The following CCDC91 variants were observed in gnomAD, a reference collection of about 807,000 sequenced individuals.
CCDC91 encodes the protein coiled-coil domain containing 91, also known as coiled-coil domain-containing protein 91.
CCDC91 carries 48 observed loss-of-function variants against 63.2 expected under a neutral mutation model. That is an observed-to-expected ratio of 0.76 (90% CI 0.60 to 0.97). The LOEUF (loss-of-function observed/expected upper bound fraction) is 0.97. Among genes scored for constraint, CCDC91 ranks in the 50% least tolerant of loss-of-function variants. CCDC91 has a pLI of 0.00. For missense variants in CCDC91, 500 were observed against 494.6 expected, an observed-to-expected ratio of 1.01 and a Z score of -0.10; for synonymous variants, 167 against 165.8, an observed-to-expected ratio of 1.01 and a Z score of -0.06.
rs910706564 is a variant in CCDC91, at chr12:28,526,087, T to G, written c.1216-22976T>G. Reference sequence around the variant, plus strand: ...TTAAGTGGAGCATTTAGGCCATTTATGTTCAATGTTAGTATTGAGATGTGA... The same window carrying G: ...TTAAGTGGAGCATTTAGGCCATTTAGGTTCAATGTTAGTATTGAGATGTGA... On this transcript the variant is annotated intron_variant, in intron 12 of 12. Transcript: ENST00000536442. Among the ~76,000 whole-genome samples the G allele has an allele frequency of 5.3e-5, 8 of 152,228 alleles. No homozygotes were observed. The South Asian group carries it at 1.0e-3, about 20-fold the overall frequency.
chr12:28,331,086 T>C (rs957728982), intron 6 of CCDC91, among the ~76,000 whole-genome samples: 9 of 152,230 alleles, frequency 5.9e-5, no homozygotes, highest in Non-Finnish European at 1.0e-4. Context: ...CAAAGGCATC[T>C]GTTAAAACTG....
rs1315553512 is a variant in CCDC91, at chr12:28,307,268, T to C, written c.471+323T>C. Among the ~76,000 whole-genome samples, 2 of 152,022 alleles carry C rather than the reference T, an allele frequency of 1.3e-5. 1 individual carries two copies. The highest frequency in any genetic ancestry group is 4.1e-4 in the South Asian group (2 of 4,824). On this transcript the variant is annotated intron_variant, in intron 5 of 12. Coordinates refer to ENST00000536442, the MANE Select transcript of CCDC91 (RefSeq NM_018318.5). ...AAATTTTGCGACATCAACTTTTCCC[T>C]ATGGGAAGTTAGGCATCACAGGATA...
intron 3 of CCDC91, among the ~76,000 whole-genome samples, chr12:28,300,647 C>G (rs1937965820): frequency 6.6e-6 from 1 of 151,446 alleles, no homozygotes; most frequent in Admixed American, 6.6e-5. Flanking sequence ...ATTTATCTAA[C>G]TTCATTATAA....
chr12:28,524,085 C>T (rs1468755583), intron 12 of CCDC91, among the ~76,000 whole-genome samples: 1 of 152,058 alleles, frequency 6.6e-6, no homozygotes, highest in African/African-American at 2.4e-5. Flanking sequence ...GGAAGCCCAT[C>T]AGACTAACAG....
intron 12 of CCDC91, among the ~76,000 whole-genome samples, chr12:28,513,552 A>T (rs1407049069): frequency 1.3e-5 from 2 of 151,884 alleles, no homozygotes; most frequent in East Asian, 3.9e-4. Flanking sequence ...AATCAAAAAA[A>T]TCCAAAATTC....
rs546364066 is a variant in CCDC91 at position 28,306,226 on chromosome 12, A to T, written c.267+420A>T. On this transcript the variant is annotated intron_variant, in intron 4 of 12. Coordinates refer to ENST00000536442, the MANE Select transcript of CCDC91 (RefSeq NM_018318.5). Reference sequence around the variant, plus strand: ...AATATAGCAGTTATAAGGTTTATTCATTCAAATATTTTTTAAAGCAAGAAT... The same window carrying T: ...AATATAGCAGTTATAAGGTTTATTCTTTCAAATATTTTTTAAAGCAAGAAT... Among the ~76,000 whole-genome samples the T allele has an allele frequency of 2.6e-5, 4 of 152,064 alleles. No homozygotes were observed. In the South Asian group the frequency reaches 6.2e-4, roughly 24 times the overall value.
rs568323232 is a variant in CCDC91 at position 28,286,379 on chromosome 12, C to T, written c.110-19270C>T. On this transcript the variant is annotated intron_variant, in intron 3 of 12. Coordinates refer to ENST00000536442, the MANE Select transcript of CCDC91 (RefSeq NM_018318.5). ...TCTCCCTCCTCCCACCCTCCACCTT[C>T]TGGTAGGCCCCAGTGTCTGTTGTTT... Among the ~76,000 whole-genome samples the T allele has an allele frequency of 9.9e-4, 151 of 152,256 alleles. 1 individual carries two copies. The highest frequency in any genetic ancestry group is 1.9e-3 in the Non-Finnish European group (128 of 68,008).
intron 11 of CCDC91, among the ~76,000 whole-genome samples, chr12:28,472,361 A>C (rs938209513): frequency 1.3e-5 from 2 of 152,348 alleles, no homozygotes; most frequent in East Asian, 3.9e-4. Flanking sequence ...CTTTTTCTGC[A>C]AAGGTCAAGA....
At chr12:28,266,304 G>T (rs1947182071) in intron 3 of CCDC91, among the ~76,000 whole-genome samples, 1 of 152,088 alleles carries the variant, frequency 6.6e-6, no homozygotes, top group African/African-American at 2.4e-5. Context: ...TTCTGTCTTT[G>T]CCTTCAGCTA....
intron 6 of CCDC91, among the ~76,000 whole-genome samples, chr12:28,355,744 G>A (rs1003391565): frequency 6.6e-6 from 1 of 152,146 alleles, no homozygotes; most frequent in Admixed American, 6.5e-5. Context: ...AGAATTCCAG[G>A]AGAAGTTTGC....
At chr12:28,199,425 T>A (rs534298290) in intron 1 of CCDC91, among the ~76,000 whole-genome samples, 2 of 152,298 alleles carry the variant, frequency 1.3e-5, no homozygotes, top group East Asian at 1.9e-4. Flanking sequence ...AACACTGATT[T>A]ATAATTCTTG....
intron 1 of CCDC91, chr12:28,256,724 C>T (rs1946483808): frequency 6.5e-6 from 1 of 153,456 alleles, no homozygotes; most frequent in Non-Finnish European, 1.4e-5. Context: ...AAGTTGTGGC[C>T]ACAGCTCAAA....
At chr12:28,296,311 G>T (rs1312326062) in intron 3 of CCDC91, among the ~76,000 whole-genome samples, 1 of 151,642 alleles carries the variant, frequency 6.6e-6, no homozygotes, top group South Asian at 2.1e-4. Flanking sequence ...GCAGAATTCC[G>T]AAATTTGATT....
intron 11 of CCDC91, among the ~76,000 whole-genome samples, chr12:28,454,516 G>C (rs1421673005): frequency 6.6e-6 from 1 of 152,102 alleles, no homozygotes; most frequent in African/African-American, 2.4e-5. Flanking sequence ...CCCTCCCTAG[G>C]GAGAGGCTGC....
At chr12:28,299,187 T>G (rs1333997069) in intron 3 of CCDC91, among the ~76,000 whole-genome samples, 1 of 151,634 alleles carries the variant, frequency 6.6e-6, no homozygotes, top group Non-Finnish European at 1.5e-5. Context: ...CTTTGCTGTT[T>G]CCTCTTTACT....
chr12:28,460,268 A>G (rs1020623488), intron 11 of CCDC91, among the ~76,000 whole-genome samples: 1 of 152,148 alleles, frequency 6.6e-6, no homozygotes, highest in Non-Finnish European at 1.5e-5. Flanking sequence ...TTGTTTGCGT[A>G]CTAGATGGAG....
chr12:28,298,377 T>TTCC (rs71039892), intron 3 of CCDC91, among the ~76,000 whole-genome samples: 5 of 144,958 alleles, frequency 3.4e-5, no homozygotes, highest in Non-Finnish European at 7.6e-5. Flanking sequence ...TTTTTTTTTT[T>TTCC]CCCCCCACAA....
intron 1 of CCDC91, among the ~76,000 whole-genome samples, chr12:28,246,667 A>T (rs780369876): frequency 2.6e-5 from 4 of 152,134 alleles, no homozygotes; most frequent in Non-Finnish European, 5.9e-5. Context: ...TAATGAAAGG[A>T]TTGGAGAGCA....
At chr12:28,500,331 G>A (rs1937650198) in intron 12 of CCDC91, among the ~76,000 whole-genome samples, 1 of 151,990 alleles carries the variant, frequency 6.6e-6, no homozygotes, top group South Asian at 2.1e-4. Context: ...TTGCTGTGCA[G>A]AAGCTCTTTA....
Sources: allele counts gnomAD v4.1 joint callset (sites outside exome capture counted in the v4.1 genomes callset), GRCh38; gene constraint gnomAD v4.1.1; transcripts MANE v1.5; gene names NCBI Gene and HGNC (gene_info 2026-07-23, HGNC 2026-07-21).